The following COMMD7 variants were observed in gnomAD, a reference collection of about 807,000 sequenced individuals.
The protein encoded by COMMD7 is COMM domain-containing protein 7.
Under a neutral mutation model 34.8 loss-of-function variants are expected in COMMD7, and 28 were observed. The ratio of observed to expected loss-of-function variants is 0.80; its 90% CI spans 0.60 to 1.10. COMMD7 has a LOEUF of 1.10. COMMD7 is among the 50% of genes least tolerant of loss of function. The probability of loss-of-function intolerance (pLI) is 0.00; values close to 1 mark genes in which losing one functional copy is unlikely to be tolerated. For synonymous variants in COMMD7, 80 were observed against 86.4 expected (o/e 0.93, Z 0.41); for missense variants, 211 against 241.6 (o/e 0.87, Z 0.84).
intron 3 of COMMD7, among the ~76,000 whole-genome samples, chr20:32,716,243 G>C (rs1984767145): frequency 6.6e-6 from 1 of 152,132 alleles, no homozygotes; most frequent in African/African-American, 2.4e-5. Context: ...AGTTTGATAA[G>C]GGGGAAATTC....
intron 3 of COMMD7, among the ~76,000 whole-genome samples, chr20:32,720,504 A>G (rs1985088715): frequency 6.6e-6 from 1 of 151,836 alleles, no homozygotes; most frequent in Admixed American, 6.6e-5. Context: ...TCAGAAAAAG[A>G]AAAAGAAAGA....
At chr20:32,718,214 C>T (rs1175193431) in intron 3 of COMMD7, among the ~76,000 whole-genome samples, 1 of 150,576 alleles carries the variant, frequency 6.6e-6, no homozygotes, top group African/African-American at 2.5e-5. Flanking sequence ...ACCATCCTGG[C>T]TAACACGGTG....
intron 1 of COMMD7, among the ~76,000 whole-genome samples, chr20:32,734,366 G>A (rs1295617314): frequency 1.3e-5 from 2 of 151,104 alleles, no homozygotes; most frequent in African/African-American, 4.9e-5. Context: ...CCAGCTACTC[G>A]GGAGGCTGAG....
intron 1 of COMMD7, 69 bp downstream of exon 1, chr20:32,743,239 C>T: frequency 4.7e-6 from 3 of 644,282 alleles, no homozygotes; most frequent in East Asian, 3.9e-5. Flanking sequence ...CCCGGACGTC[C>T]CCCCCACCCC....
chr20:32,731,743 A>T (rs905057378), intron 1 of COMMD7, among the ~76,000 whole-genome samples: 1 of 152,116 alleles, frequency 6.6e-6, no homozygotes, highest in African/African-American at 2.4e-5. Context: ...TTGCTGAATA[A>T]ATCTTTCCTA....
chr20:32,709,200 C>G (rs75734896), intron 3 of COMMD7, among the ~76,000 whole-genome samples: 1 of 151,850 alleles, frequency 6.6e-6, no homozygotes, highest in Non-Finnish European at 1.5e-5. Context: ...CTTTGGGAGG[C>G]TGAGGGGGTG....
intron 1 of COMMD7, 106 bp from the exon 2 acceptor site, chr20:32,728,248 A>T: frequency 3.0e-6 from 3 of 986,644 alleles, no homozygotes; most frequent in African/African-American, 1.6e-5. Context: ...AGTAACAGCC[A>T]GGTGTTATGC....
intron 1 of COMMD7, among the ~76,000 whole-genome samples, chr20:32,737,522 A>G (rs984208081): frequency 2.0e-5 from 3 of 151,884 alleles, no homozygotes; most frequent in Non-Finnish European, 4.4e-5. Context: ...TAAAAAAACG[A>G]AAGAAAGAAA....
At chr20:32,711,193 T>C (rs897953188) in intron 3 of COMMD7, among the ~76,000 whole-genome samples, 4 of 151,814 alleles carry the variant, frequency 2.6e-5, no homozygotes, top group African/African-American at 9.7e-5. Context: ...GGTCAGGAGT[T>C]TGAGACCAGC....
chr20:32,732,291 A>G lies in COMMD7; in HGVS notation c.85-4149T>C, dbSNP rs565677220. On this transcript the variant is annotated intron_variant, in intron 1 of 8. Transcript: ENST00000278980. ...TATTTTGTAGAGACAGGGTCTCACA[A>G]TGTTGCCCCAGCTCATCTGGAACTC... Among the ~76,000 whole-genome samples, 392 of 152,226 alleles carry G rather than the reference A, an allele frequency of 2.6e-3. 1 individual carries two copies. The highest frequency in any genetic ancestry group is 0.01 in the Middle Eastern group (3 of 294).
At chr20:32,729,778 G>A (rs531117032) in intron 1 of COMMD7, among the ~76,000 whole-genome samples, 1 of 151,998 alleles carries the variant, frequency 6.6e-6, no homozygotes, top group African/African-American at 2.4e-5. Context: ...AGGCTGAAGT[G>A]AGTGGATCAC....
At chr20:32,706,438 G>A in intron 5 of COMMD7, 145 bp downstream of exon 5, 11 of 638,554 alleles carry the variant, frequency 1.7e-5, no homozygotes, top group Non-Finnish European at 3.0e-5. Flanking sequence ...ACTTGAACCC[G>A]AGAGGCAGAG....
intron 1 of COMMD7, among the ~76,000 whole-genome samples, chr20:32,740,611 C>T (rs527635949): frequency 3.3e-5 from 5 of 151,896 alleles, no homozygotes; most frequent in South Asian, 4.2e-4. Flanking sequence ...CTATGTGTTA[C>T]TACAAAAGTG....
intron 1 of COMMD7, among the ~76,000 whole-genome samples, chr20:32,728,524 A>G (rs1985656140): frequency 6.6e-6 from 1 of 151,738 alleles, no homozygotes; most frequent in Admixed American, 6.6e-5. Flanking sequence ...ACTTTGGATG[A>G]TTTTTATTTT....
At chr20:32,724,428 G>A (rs1252095964) in intron 3 of COMMD7, among the ~76,000 whole-genome samples, 1 of 11,402 alleles carries the variant, frequency 8.8e-5, no homozygotes, top group Admixed American at 4.5e-4. Context: ...CCACCACCCC[G>A]TCTGGGAGGT....
chr20:32,721,268 G>A lies in COMMD7; in HGVS notation c.241+6625C>T, dbSNP rs1262383131. ...AGGAGGACTGCTTGGGCCCAGGATC[G>A]CTGGAGACCAGCCTGGGCAACATAG... is the stretch of plus-strand genomic sequence containing the variant. On this transcript the variant is annotated intron_variant, in intron 3 of 8. Coordinates refer to ENST00000278980, the MANE Select transcript of COMMD7 (RefSeq NM_053041.3). Among the ~76,000 whole-genome samples, 8 of 151,846 alleles carry A rather than the reference G, an allele frequency of 5.3e-5. No individual in the cohort carries two copies. The South Asian group carries it at 6.2e-4, about 12-fold the overall frequency.
chr20:32,716,721 G>A (rs779917379), intron 3 of COMMD7, among the ~76,000 whole-genome samples: 6 of 152,192 alleles, frequency 3.9e-5, no homozygotes, highest in Non-Finnish European at 8.8e-5. Context: ...TTGAGGCCAG[G>A]AGTTTGAGAC....
At chr20:32,725,492 G>C (rs568694538) in intron 3 of COMMD7, among the ~76,000 whole-genome samples, 5 of 144,174 alleles carry the variant, frequency 3.5e-5, no homozygotes, top group African/African-American at 5.2e-5. Flanking sequence ...GCAGTGGCAC[G>C]GTCTCAGCTC....
At position 32,724,951 on chromosome 20, in the gene COMMD7, T is replaced by TA. The variant is rs1175774267; in HGVS notation, c.241+2941dup. Among the ~76,000 whole-genome samples, 78 of 13,878 alleles carry TA rather than the reference T, an allele frequency of 5.6e-3. 4 individuals are homozygous for TA. Among genetic ancestry groups the TA allele is most frequent in the Non-Finnish European group, 6.3e-3 (29 of 4,578 alleles). The allele number at this position is 13,878 out of a possible 152,430, so 9.1% of individuals were successfully genotyped here. A position where few individuals can be genotyped will look rare whatever the true frequency, so the allele number is the denominator to read the frequency against. ...AGAATTATCAATAAAAAAATAAATT[T>TA]AAAAAAAAAAAAAAAAAAAAAAAGA... On this transcript the variant is annotated intron_variant, in intron 3 of 8. Transcript: ENST00000278980.
Sources: allele counts gnomAD v4.1 joint callset (sites outside exome capture counted in the v4.1 genomes callset), GRCh38; gene constraint gnomAD v4.1.1; transcripts MANE v1.5; gene names NCBI Gene and HGNC (gene_info 2026-07-23, HGNC 2026-07-21).